The following SDK1 variants were observed in gnomAD, a reference collection of about 807,000 sequenced individuals.
The protein encoded by SDK1 is sidekick cell adhesion molecule 1.
SDK1 carries 157 observed loss-of-function variants against 245.5 expected under a neutral mutation model. That is an observed-to-expected ratio of 0.64 (90% CI 0.56 to 0.73). The LOEUF (loss-of-function observed/expected upper bound fraction) is 0.73. Ranked by LOEUF, SDK1 falls within the 30% of genes least tolerant of loss-of-function variation. SDK1 has a pLI of 0.00. For synonymous variants in SDK1, 1,647 were observed against 1,278.5 expected (o/e 1.29, Z -6.15); for missense variants, 3,583 against 3,002.3 (o/e 1.19, Z -4.52).
At chr7:4,199,133 A>G (rs888683237) in intron 35 of SDK1, among the ~76,000 whole-genome samples, 5 of 152,092 alleles carry the variant, frequency 3.3e-5, no homozygotes, top group African/African-American at 1.2e-4. Flanking sequence ...CTAAAAGGAG[A>G]ATACAGTCTT....
intron 7 of SDK1, among the ~76,000 whole-genome samples, chr7:3,955,514 C>T (rs1309022345): frequency 6.6e-6 from 1 of 152,202 alleles, no homozygotes; most frequent in Non-Finnish European, 1.5e-5. Context: ...TTCATAGATT[C>T]CAGAGGTGTG....
chr7:4,208,674 G>GGGGGTA (rs1784365505), intron 37 of SDK1, among the ~76,000 whole-genome samples: 1 of 152,202 alleles, frequency 6.6e-6, no homozygotes, highest in African/African-American at 2.4e-5. Flanking sequence ...CCAGATCCTT[G>GGGGGTA]GGGGTAGGCT....
intron 3 of SDK1, among the ~76,000 whole-genome samples, chr7:3,639,666 A>C (rs1782589714): frequency 6.6e-6 from 1 of 152,164 alleles, no homozygotes; most frequent in Admixed American, 6.6e-5. Flanking sequence ...AGGAAGCTTA[A>C]ATTTTCATGT....
At chr7:3,941,040 A>G (rs1204059385) in intron 5 of SDK1, among the ~76,000 whole-genome samples, 3 of 151,694 alleles carry the variant, frequency 2.0e-5, no homozygotes, top group Non-Finnish European at 4.4e-5. Flanking sequence ...CTCCTGACCC[A>G]CCAGCACTGC....
At chr7:4,133,622 C>T (rs1279401461) in intron 28 of SDK1, among the ~76,000 whole-genome samples, 1 of 152,194 alleles carries the variant, frequency 6.6e-6, no homozygotes, top group Admixed American at 6.5e-5. Flanking sequence ...AGACCGAATG[C>T]TTTCAGCCTT....
intron 35 of SDK1, among the ~76,000 whole-genome samples, chr7:4,198,812 CT>C (rs59266845): frequency 0.36 from 50,981 of 142,150 alleles, 9,196 homozygotes; most frequent in Middle Eastern, 0.51. Context: ...TTTTTCTTTG[CT>C]TTTTTTTTTT....
At position 3,718,187 on chromosome 7, in the gene SDK1, C is replaced by G. The variant is rs370540938; in HGVS notation, c.713+76082C>G. Among the ~76,000 whole-genome samples the G allele has an allele frequency of 5.9e-5, 9 of 152,066 alleles. No homozygotes were observed. In the East Asian group the frequency reaches 9.6e-4, roughly 16 times the overall value. On this transcript the variant is annotated intron_variant, in intron 4 of 44. Coordinates refer to ENST00000404826, the MANE Select transcript of SDK1 (RefSeq NM_152744.4). ...AACTTTATGAGCATATCCATTGACA[C>G]AGAAAAAGCGTTTGATAAAATCCAA...
At chr7:3,723,140 A>C (rs1778872094) in intron 4 of SDK1, among the ~76,000 whole-genome samples, 1 of 152,222 alleles carries the variant, frequency 6.6e-6, no homozygotes. Flanking sequence ...ACGTTTCTCA[A>C]GTGTGTTCTA....
At chr7:3,384,545 G>T (rs758596865) in intron 1 of SDK1, among the ~76,000 whole-genome samples, 1 of 152,194 alleles carries the variant, frequency 6.6e-6, no homozygotes, top group Non-Finnish European at 1.5e-5. Flanking sequence ...TGTTTCCCAA[G>T]CTTGTCTGAA....
intron 22 of SDK1, among the ~76,000 whole-genome samples, chr7:4,108,217 G>A (rs966480955): frequency 2.6e-5 from 4 of 152,190 alleles, no homozygotes; most frequent in Admixed American, 6.5e-5. Flanking sequence ...GAAGGCAGCT[G>A]CCATGGGCCC....
At chr7:3,498,265 T>G (rs993662010) in intron 1 of SDK1, among the ~76,000 whole-genome samples, 2 of 152,196 alleles carry the variant, frequency 1.3e-5, no homozygotes, top group African/African-American at 2.4e-5. Context: ...TAGACATAGA[T>G]TTTATCTCTT....
chr7:3,637,183 C>T (rs368025768), intron 2 of SDK1, among the ~76,000 whole-genome samples: 26 of 152,122 alleles, frequency 1.7e-4, no homozygotes, highest in Non-Finnish European at 2.5e-4. Context: ...CTGCAACCTC[C>T]GCCTCCCGAG....
At chr7:3,479,406 G>C (rs1355417337) in intron 1 of SDK1, among the ~76,000 whole-genome samples, 1 of 137,106 alleles carries the variant, frequency 7.3e-6, no homozygotes, top group Admixed American at 7.2e-5. Flanking sequence ...TGGGTGACAG[G>C]GTGAGACTGT....
chr7:3,428,722 A>G (rs932993935), intron 1 of SDK1, among the ~76,000 whole-genome samples: 1 of 152,206 alleles, frequency 6.6e-6, no homozygotes, highest in Non-Finnish European at 1.5e-5. Flanking sequence ...AAAGCTAGCA[A>G]CATACCTGAC....
intron 1 of SDK1, among the ~76,000 whole-genome samples, chr7:3,600,172 C>T (rs141377482): frequency 6.6e-6 from 1 of 152,284 alleles, no homozygotes; most frequent in African/African-American, 2.4e-5. Flanking sequence ...ATATCATTCT[C>T]TTTGGAGTGA....
rs528696517 is a variant in SDK1 at position 3,824,691 on chromosome 7, A to G, written c.847+3108A>G. ...TCAACAACCTTGTACTTGAGAGTTCAAAAACGTCACCCCTTTTCAATTGCT... is the reference window on the plus strand; with the variant it reads ...TCAACAACCTTGTACTTGAGAGTTCGAAAACGTCACCCCTTTTCAATTGCT... On this transcript the variant is annotated intron_variant, in intron 5 of 44. Transcript: ENST00000404826. Among the ~76,000 whole-genome samples, 4 of 152,318 alleles carry G rather than the reference A, an allele frequency of 2.6e-5. No homozygotes were observed. In the East Asian group the frequency reaches 7.7e-4, roughly 29 times the overall value.
At chr7:3,535,504 C>G (rs182927822) in intron 1 of SDK1, among the ~76,000 whole-genome samples, 1 of 152,238 alleles carries the variant, frequency 6.6e-6, no homozygotes, top group Admixed American at 6.5e-5. Context: ...CAGCCAGGCT[C>G]AGTCATACTA....
At chr7:3,725,718 G>A (rs750016842) in intron 4 of SDK1, among the ~76,000 whole-genome samples, 31 of 152,124 alleles carry the variant, frequency 2.0e-4, no homozygotes, top group Non-Finnish European at 4.1e-4. Context: ...TTCAGTTGCC[G>A]GAAGCCAAGA....
Position 4,076,890 on chromosome 7 carries a change from C to T in SDK1, c.3011-108C>T, listed in dbSNP as rs188391530. 327 of 961,866 alleles carry T rather than the reference C, an allele frequency of 3.4e-4. 2 individuals are homozygous for T. In the African/African-American group the frequency reaches 4.7e-3, roughly 14 times the overall value. 59.6% of individuals were successfully genotyped at this position (961,866 alleles called of 1,614,324 possible). A position where few individuals can be genotyped will look rare whatever the true frequency, so the allele number is the denominator to read the frequency against. On this transcript the variant is annotated intron_variant, in intron 20 of 44. Transcript: ENST00000404826. ...TGGCTCTAAGCTGCCTTCAGCACATCCAGCCAAGCTCTCCATAGCTCCAAG... is the reference window on the plus strand; with the variant it reads ...TGGCTCTAAGCTGCCTTCAGCACATTCAGCCAAGCTCTCCATAGCTCCAAG...
Sources: gnomAD v4.1 joint callset for allele counts (sites outside exome capture counted in the v4.1 genomes callset) on GRCh38, gnomAD v4.1.1 for gene constraint, MANE v1.5 for transcripts, NCBI Gene and HGNC (gene_info 2026-07-23, HGNC 2026-07-21) for gene names.